FUS: variants seen among roughly 807,000 people sequenced by gnomAD.
The protein encoded by FUS is FUS RNA binding protein.
In FUS, 5 loss-of-function variants were observed where a neutral mutation model predicts 82.7. The observed-to-expected ratio is 0.06, with a 90% CI of 0.03 to 0.13. The LOEUF (loss-of-function observed/expected upper bound fraction) is 0.13, where lower values mean the gene tolerates loss of function less well. FUS is among the 10% of genes least tolerant of loss of function. FUS has a pLI of 1.00. For synonymous variants in FUS, 281 were observed against 247.4 expected (o/e 1.14, Z -1.27); for missense variants, 512 against 707.8 (o/e 0.72, Z 3.14).
intron 1 of FUS, among the ~76,000 whole-genome samples, chr16:31,180,828 C>A (rs775472622): frequency 2.6e-5 from 4 of 152,208 alleles, no homozygotes; most frequent in Admixed American, 6.5e-5. Context: ...ATCGGGGCCG[C>A]CCTCTAGCTT....
intron 3 of FUS, 196 bp downstream of exon 3, chr16:31,182,860 G>A (rs1463040919): frequency 1.6e-6 from 1 of 637,588 alleles, no homozygotes; most frequent in Non-Finnish European, 2.8e-6. Flanking sequence ...GGGATTACAG[G>A]TACCTGCTAC....
chr16:31,191,830 C>T, downstream of FUS: 1 of 559,662 alleles, frequency 1.8e-6, no homozygotes, highest in Non-Finnish European at 3.4e-6. Flanking sequence ...GAGTGTTGGC[C>T]TAAATTTGCC....
intron 6 of FUS, chr16:31,185,676 A>G: frequency 2.2e-6 from 1 of 450,130 alleles, no homozygotes; most frequent in East Asian, 4.8e-5. Context: ...CTTGATTTGC[A>G]CTAATTTGAC....
At chr16:31,192,305 G>A (rs1332597270), downstream of FUS, 7 of 527,152 alleles carry the variant, frequency 1.3e-5, no homozygotes, top group African/African-American at 1.3e-4. Context: ...AGGGGGAAGG[G>A]GTTGCAGCCA....
chr16:31,185,400 T>G, intron 6 of FUS: 1 of 642,070 alleles, frequency 1.6e-6, no homozygotes, highest in Non-Finnish European at 2.8e-6. Context: ...ATAGAGATTT[T>G]GAGTAATGAT....
chr16:31,190,300 AGGTGGTGGCAGTGGT>A lies in FUS; in HGVS notation c.1204_1218del (p.Ser402_Gly406del). 1 of 1,613,900 alleles carries A rather than the reference AGGTGGTGGCAGTGGT, an allele frequency of 6.2e-7. No individual in the cohort carries two copies. Among genetic ancestry groups the A allele is most frequent in the Non-Finnish European group, 8.5e-7 (1 of 1,179,948 alleles). Reference sequence around the variant, plus strand: ...GACCCATGGGCCGTGGAGGCTATGGAGGTGGTGGCAGTGGTGGTGGTGGCCGAGGAGGATTTCCCA... The same window carrying A: ...GACCCATGGGCCGTGGAGGCTATGGAGGTGGTGGCCGAGGAGGATTTCCCA... On this transcript the variant is annotated inframe_deletion, in exon 12 of 15. Coordinates refer to ENST00000254108, the MANE Select transcript of FUS (RefSeq NM_004960.4).
At chr16:31,191,375 TA>T (rs747641268) in intron 14 of FUS, 23 bp from the exon 15 acceptor site, 4 of 1,602,338 alleles carry the variant, frequency 2.5e-6, no homozygotes, top group East Asian at 4.5e-5. Context: ...AATGGATACT[TA>T]ATTTTTTTTT....
chr16:31,187,147 G>C, intron 7 of FUS: 1 of 493,372 alleles, frequency 2.0e-6, no homozygotes, highest in Middle Eastern at 5.5e-4. Context: ...AGAAACTGGA[G>C]AGTGCGTGCT....
chr16:31,186,502 A>AG (rs2079272054), intron 6 of FUS: 1 of 486,160 alleles, frequency 2.1e-6, no homozygotes, highest in Non-Finnish European at 3.7e-6. Context: ...GGAAAAAAAA[A>AG]CATCTGCTCC....
chr16:31,189,922 TC>T, intron 10 of FUS, 117 bp from the exon 11 acceptor site: 1 of 1,576,992 alleles, frequency 6.3e-7, no homozygotes. Context: ...TCAGGTAGTC[TC>T]ATTTTTGCTT....
intron 1 of FUS, among the ~76,000 whole-genome samples, 193 bp downstream of exon 1, chr16:31,180,420 C>CT (rs1242459177): frequency 1.3e-5 from 2 of 151,298 alleles, no homozygotes; most frequent in African/African-American, 4.8e-5. Flanking sequence ...GGCCCTCGCG[C>CT]GCGGGGCGGG....
In FUS at chr16:31,185,027, C is replaced by T. The variant is rs2079243914; in HGVS notation, c.612C>T (p.Gly204=). Reference sequence around the variant, plus strand: ...ATCAAGACCAGAGTGGTGGAGGTGGCAGCGGTGGCTATGGACAGCAGGACC... The same window carrying T: ...ATCAAGACCAGAGTGGTGGAGGTGGTAGCGGTGGCTATGGACAGCAGGACC... ...YGNQDQSGGG[G]SGGYGQQDRG... is the part of the protein sequence containing the mutation. Residue 204 remains glycine (G), a synonymous_variant, in exon 6 of 15, where the codon GGC becomes GGT. Transcript: ENST00000254108. 6.2e-7 allele frequency: 1 copy of T among 1,613,178 alleles called. No homozygotes were observed. The highest frequency in any genetic ancestry group is 1.3e-5 in the African/African-American group (1 of 74,902).
chr16:31,189,736 G>A lies in FUS; in HGVS notation c.1008G>A (p.Glu336=). Residue 336 remains glutamate, a synonymous_variant, in exon 10 of 15, where the codon GAG becomes GAA. Transcript: ENST00000254108. The part of the protein sequence containing the change: ...TDRETGKLKG[E]ATVSFDDPPS... ...GGGAAACTGGCAAGCTGAAGGGAGAGGCAACGGTCTCTTTTGATGACCCAC... is the reference window on the plus strand; with the variant it reads ...GGGAAACTGGCAAGCTGAAGGGAGAAGCAACGGTCTCTTTTGATGACCCAC... 1 of 1,614,192 alleles carries A rather than the reference G, an allele frequency of 6.2e-7. No homozygotes were observed. Among genetic ancestry groups the A allele is most frequent in the Non-Finnish European group, 8.5e-7 (1 of 1,180,040 alleles).
Position 31,189,649 on chromosome 16 carries a change from A to G in FUS, c.937-16A>G, listed in dbSNP as rs1336762674. On this transcript the variant is annotated splice_polypyrimidine_tract_variant and intron_variant, in intron 9 of 14. Coordinates refer to ENST00000254108, the MANE Select transcript of FUS (RefSeq NM_004960.4). ...TAGCCTTTAAAATTGATGTTACCTC[A>G]TTTTGCTTTCTTCAGACAAACAAGA... is the stretch of plus-strand genomic sequence containing the variant. 1.2e-6 allele frequency: 2 copies of G among 1,614,142 alleles called. No homozygotes were observed. Among genetic ancestry groups the G allele is most frequent in the South Asian group, 1.1e-5 (1 of 91,082 alleles).
At position 31,189,108 on chromosome 16, in the gene FUS, CTG is replaced by C; in HGVS notation, c.833-13_833-12del. 5.6e-6 allele frequency: 9 copies of C among 1,595,380 alleles called. No individual in the cohort carries two copies. Among genetic ancestry groups the C allele is most frequent in the Non-Finnish European group, 7.7e-6 (9 of 1,163,036 alleles). ...TTACCTTTTCACATTTGCATTTTCT[CTG>C]TTCAACAAGCAGAACAGGATAATTC... On this transcript the variant is annotated splice_polypyrimidine_tract_variant and intron_variant, in intron 8 of 14. Transcript: ENST00000254108.
rs945405703 is a variant in FUS at position 31,185,502 on chromosome 16, TTTC to T, written c.764+325_764+327del. ...CAAGAAACATGGAAGTGAAGACTTC[TTTC>T]TCTGCAAGGGAAACCGATGATCCCA... On this transcript the variant is annotated intron_variant, in intron 6 of 14. Transcript: ENST00000254108. The T allele has an allele frequency of 1.0e-5, 6 of 596,120 alleles. No homozygotes were observed. In the African/African-American group the frequency reaches 1.1e-4, roughly 11 times the overall value. The allele number at this position is 596,120 out of a possible 1,614,324, so 36.9% of individuals were successfully genotyped here.
In FUS at chr16:31,189,897, A is replaced by C. The variant is rs1404942254; in HGVS notation, c.1066+103A>C. 2.0e-5 allele frequency: 32 copies of C among 1,598,208 alleles called. No homozygotes were observed. In the Admixed American group the frequency reaches 5.4e-4, roughly 27 times the overall value. ...GGTTCTTTTGAGTCTTCCAACACTT[A>C]CTTTAGCTGCGGTTTCAGGTAGTCT... On this transcript the variant is annotated intron_variant, in intron 10 of 14. Transcript: ENST00000254108.
intron 3 of FUS, 69 bp from the exon 4 acceptor site, chr16:31,183,789 C>G (rs1041460807): frequency 1.9e-6 from 3 of 1,593,182 alleles, no homozygotes; most frequent in African/African-American, 1.3e-5. Context: ...ATTATGTTTT[C>G]TTTAACCCAT....
intron 6 of FUS, chr16:31,185,643 CTA>C (rs530184419): frequency 6.2e-6 from 3 of 482,706 alleles, no homozygotes; most frequent in Non-Finnish European, 1.2e-5. Context: ...TTCCCGTTTT[CTA>C]TAGTCATTTG....
Sources: gnomAD v4.1 joint callset for allele counts (sites outside exome capture counted in the v4.1 genomes callset) on GRCh38, gnomAD v4.1.1 for gene constraint, MANE v1.5 for transcripts, NCBI Gene and HGNC (gene_info 2026-07-23, HGNC 2026-07-21) for gene names.